The following ANXA8 variants were observed in gnomAD, a reference collection of about 807,000 sequenced individuals.
The protein encoded by ANXA8 is annexin A8.
A neutral mutation model predicts 26.8 loss-of-function variants in ANXA8; 9 were observed. The ratio of observed to expected loss-of-function variants is 0.34; its 90% CI spans 0.20 to 0.59. The LOEUF (loss-of-function observed/expected upper bound fraction) is 0.59. ANXA8 is among the 20% of genes least tolerant of loss of function. ANXA8 has a pLI of 0.84. For missense variants in ANXA8, 83 were observed against 238.5 expected, an observed-to-expected ratio of 0.35 and a Z score of 4.29; for synonymous variants, 39 against 94.8, an observed-to-expected ratio of 0.41 and a Z score of 3.42.
At chr10:47,909,008 TAC>T in the ANXA8 span, among the ~76,000 whole-genome samples, 179 of 72,776 alleles carry the variant, frequency 2.5e-3, 25 homozygotes, top group African/African-American at 4.5e-3. Flanking sequence ...GTGATGTATG[TAC>T]ACACACACAC....
the ANXA8 span, among the ~76,000 whole-genome samples, chr10:47,622,066 C>CAA: frequency 9.0e-6 from 1 of 110,694 alleles, no homozygotes; most frequent in Non-Finnish European, 2.0e-5. Flanking sequence ...GCTGCAAAAA[C>CAA]AAAAAAAATG....
the ANXA8 span, among the ~76,000 whole-genome samples, chr10:47,730,778 A>G: frequency 6.7e-6 from 1 of 149,502 alleles, no homozygotes; most frequent in African/African-American, 2.5e-5. Context: ...GGAACCACAG[A>G]GAAGACACTC....
At chr10:47,967,978 A>G in the ANXA8 span, among the ~76,000 whole-genome samples, 1 of 149,662 alleles carries the variant, frequency 6.7e-6, no homozygotes, top group Non-Finnish European at 1.5e-5. Flanking sequence ...GGTGCAAAAA[A>G]AAAACCTATA....
the ANXA8 span, among the ~76,000 whole-genome samples, chr10:47,669,508 T>G: frequency 2.7e-5 from 4 of 150,750 alleles, no homozygotes; most frequent in Non-Finnish European, 4.5e-5. Context: ...TCCTTGCATC[T>G]GGGAGTTTGA....
the ANXA8 span, among the ~76,000 whole-genome samples, chr10:47,644,228 A>G: frequency 3.6e-4 from 53 of 148,528 alleles, 1 homozygote; most frequent in Non-Finnish European, 6.3e-4. Context: ...GGAGAAAAAC[A>G]TAGCTCTCAT....
chr10:47,511,248 ATTAT>A, the ANXA8 span, among the ~76,000 whole-genome samples: 1 of 142,240 alleles, frequency 7.0e-6, no homozygotes, highest in Non-Finnish European at 1.5e-5. Context: ...CAGTCCTTCT[ATTAT>A]TTATTTACTA....
chr10:47,631,331 T>C, the ANXA8 span, among the ~76,000 whole-genome samples: 7 of 151,970 alleles, frequency 4.6e-5, no homozygotes, highest in Non-Finnish European at 8.8e-5. Context: ...TGTTAGTATA[T>C]CTGGTAAGTA....
chr10:47,769,354 G>A, the ANXA8 span, among the ~76,000 whole-genome samples: 1 of 150,024 alleles, frequency 6.7e-6, no homozygotes, highest in Non-Finnish European at 1.5e-5. Context: ...GGCAGTGAGA[G>A]AGGAGAGAGG....
chr10:47,475,024 C>T lies in ANXA8; in HGVS notation c.493-20G>A. ...GCTGCCCTAGGAACAGAGGAGGTGG[C>T]TCTGTAAGGCAGGCCAGCTGACCAG... On this transcript the variant is annotated intron_variant, in intron 6 of 11. Coordinates refer to ENST00000585281, the MANE Select transcript of ANXA8 (RefSeq NM_001040084.3). 6 of 1,533,986 alleles carry T rather than the reference C, an allele frequency of 3.9e-6. No individual in the cohort carries two copies. The highest frequency in any genetic ancestry group is 5.3e-6 in the Non-Finnish European group (6 of 1,132,458).
chr10:47,674,138 T>C, the ANXA8 span, among the ~76,000 whole-genome samples: 1 of 150,426 alleles, frequency 6.6e-6, no homozygotes, highest in Non-Finnish European at 1.5e-5. Flanking sequence ...TACAATTTGC[T>C]TTCCTTTTTT....
the ANXA8 span, chr10:47,690,288 CAA>C: frequency 6.3e-7 from 1 of 1,576,760 alleles, no homozygotes; most frequent in East Asian, 2.2e-5. Flanking sequence ...TGAAGTGGTA[CAA>C]AGAGAGTGTG....
At chr10:47,746,945 T>C in the ANXA8 span, among the ~76,000 whole-genome samples, 6 of 123,736 alleles carry the variant, frequency 4.8e-5, no homozygotes, top group Admixed American at 5.2e-4. Flanking sequence ...ATTCTGAGAA[T>C]TTTTTTTCTG....
the ANXA8 span, among the ~76,000 whole-genome samples, chr10:47,954,780 A>T: frequency 5.3e-5 from 8 of 151,166 alleles, no homozygotes; most frequent in Non-Finnish European, 1.0e-4. Flanking sequence ...AGGACTTATA[A>T]ACAAATATTT....
At chr10:47,582,165 G>A in the ANXA8 span, 60 of 152,022 alleles carry the variant, frequency 3.9e-4, 2 homozygotes, top group Middle Eastern at 3.3e-3. Flanking sequence ...TCTCTCTGGT[G>A]TTCCCCTGGA....
chr10:47,558,816 C>T, the ANXA8 span, among the ~76,000 whole-genome samples: 2 of 151,948 alleles, frequency 1.3e-5, no homozygotes, highest in Non-Finnish European at 1.5e-5. Flanking sequence ...TCACCTTCAG[C>T]CTTCTCTGCT....
upstream of ANXA8, among the ~76,000 whole-genome samples, chr10:47,488,632 A>G (rs1228947994): frequency 6.7e-6 from 1 of 148,356 alleles, no homozygotes; most frequent in Non-Finnish European, 1.5e-5. Context: ...AAGGAATGAG[A>G]TATACACATG....
the ANXA8 span, among the ~76,000 whole-genome samples, chr10:47,905,497 CG>C: frequency 2.1e-5 from 3 of 142,858 alleles, no homozygotes; most frequent in East Asian, 6.3e-4. Flanking sequence ...TAAACTTTAC[CG>C]TAAGTAACTC....
At chr10:47,658,141 G>A in the ANXA8 span, among the ~76,000 whole-genome samples, 4 of 151,834 alleles carry the variant, frequency 2.6e-5, no homozygotes, top group East Asian at 1.9e-4. Flanking sequence ...AGGCTGAGGC[G>A]GGTGGATCAC....
the ANXA8 span, among the ~76,000 whole-genome samples, chr10:47,981,469 TA>T: frequency 9.2e-6 from 1 of 109,252 alleles, no homozygotes; most frequent in African/African-American, 3.3e-5. Context: ...AATAAGTATG[TA>T]AATTTAAAAA....
Sources: gnomAD v4.1 joint callset for allele counts (sites outside exome capture counted in the v4.1 genomes callset) on GRCh38, gnomAD v4.1.1 for gene constraint, MANE v1.5 for transcripts, NCBI Gene and HGNC (gene_info 2026-07-23, HGNC 2026-07-21) for gene names.